Variants in FAM120B observed in about 807,000 individuals in gnomAD.
FAM120B encodes constitutive coactivator of peroxisome proliferator-activated receptor gamma.
In FAM120B, 83 loss-of-function variants were observed where a neutral mutation model predicts 96.3. That is an observed-to-expected ratio of 0.86 (90% CI 0.72 to 1.03). The LOEUF (loss-of-function observed/expected upper bound fraction) is 1.03, where lower values mean the gene tolerates loss of function less well. Ranked by LOEUF, FAM120B falls within the 50% of genes least tolerant of loss-of-function variation. FAM120B has a pLI of 0.00. For synonymous variants in FAM120B, 407 were observed against 402.7 expected (o/e 1.01, Z -0.13); for missense variants, 1,027 against 1,121.2 (o/e 0.92, Z 1.20).
chr6:170,398,023 G>A (rs1207667769), intron 9 of FAM120B, among the ~76,000 whole-genome samples: 2 of 152,252 alleles, frequency 1.3e-5, no homozygotes, highest in African/African-American at 4.8e-5. Context: ...CCTCAGGAAG[G>A]TGGAGAGGGG....
intron 7 of FAM120B, 85 bp from the exon 8 acceptor site, chr6:170,390,927 TC>T: frequency 9.7e-7 from 1 of 1,033,382 alleles, no homozygotes; most frequent in Non-Finnish European, 1.5e-6. Context: ...TGGAAGGGTG[TC>T]CCCTAAGCTT....
intron 1 of FAM120B, among the ~76,000 whole-genome samples, chr6:170,313,023 A>G (rs1008196296): frequency 1.3e-5 from 2 of 152,186 alleles, no homozygotes; most frequent in Admixed American, 6.5e-5. Context: ...GGCCCTAGCA[A>G]AAGTGTGGTC....
chr6:170,328,426 G>T (rs1437215552), intron 3 of FAM120B, among the ~76,000 whole-genome samples: 1 of 151,822 alleles, frequency 6.6e-6, no homozygotes, highest in Non-Finnish European at 1.5e-5. Flanking sequence ...ATCTTTCTTT[G>T]GGGGGGTATA....
chr6:170,338,242 A>T (rs749749261), intron 4 of FAM120B, among the ~76,000 whole-genome samples: 20 of 152,060 alleles, frequency 1.3e-4, no homozygotes, highest in Non-Finnish European at 2.5e-4. Context: ...CTTTGTTCTC[A>T]TTGGTTTCAA....
chr6:170,379,330 A>G (rs530230386), intron 6 of FAM120B, among the ~76,000 whole-genome samples: 3 of 152,340 alleles, frequency 2.0e-5, no homozygotes, highest in Non-Finnish European at 4.4e-5. Flanking sequence ...AGAAGTCCTC[A>G]TATATTGTTT....
At chr6:170,296,848 CG>C (rs1030086378) in intron 1 of FAM120B, among the ~76,000 whole-genome samples, 1 of 152,134 alleles carries the variant, frequency 6.6e-6, no homozygotes, top group Non-Finnish European at 1.5e-5. Context: ...CGGCTGCATC[CG>C]GGGGGTCGAG....
chr6:170,319,287 C>T (rs1445371223), intron 2 of FAM120B, among the ~76,000 whole-genome samples, 163 bp downstream of exon 2: 1 of 152,210 alleles, frequency 6.6e-6, no homozygotes, highest in Non-Finnish European at 1.5e-5. Context: ...TGTGGAAACT[C>T]ACAACCAATG....
At chr6:170,327,596 C>T (rs1035783775) in intron 3 of FAM120B, among the ~76,000 whole-genome samples, 18 of 151,360 alleles carry the variant, frequency 1.2e-4, no homozygotes, top group Admixed American at 4.6e-4. Context: ...AGGATATGAC[C>T]ATGCTGCTGT....
intron 1 of FAM120B, among the ~76,000 whole-genome samples, chr6:170,309,095 A>G (rs928594258): frequency 7.2e-5 from 11 of 152,206 alleles, no homozygotes; most frequent in African/African-American, 2.7e-4. Flanking sequence ...CTCCATGGAA[A>G]CTAGGGTTAT....
chr6:170,337,455 G>A (rs752580154), intron 4 of FAM120B, among the ~76,000 whole-genome samples: 17 of 152,072 alleles, frequency 1.1e-4, no homozygotes, highest in South Asian at 8.3e-4. Flanking sequence ...GAGGATTTTC[G>A]CATCGATGTT....
intron 5 of FAM120B, among the ~76,000 whole-genome samples, chr6:170,352,358 T>C (rs1230768040): frequency 6.6e-6 from 1 of 152,004 alleles, no homozygotes; most frequent in African/African-American, 2.4e-5. Context: ...AACTGACAAA[T>C]ATTAGATCAT....
At chr6:170,389,891 A>G (rs1583306234) in intron 7 of FAM120B, among the ~76,000 whole-genome samples, 1 of 151,990 alleles carries the variant, frequency 6.6e-6, no homozygotes, top group South Asian at 2.1e-4. Flanking sequence ...AGGAACTAAT[A>G]CTCCCTGCAA....
chr6:170,372,536 T>A (rs1789261265), intron 6 of FAM120B, among the ~76,000 whole-genome samples: 1 of 152,200 alleles, frequency 6.6e-6, no homozygotes, highest in Admixed American at 6.5e-5. Flanking sequence ...GAACTGACAG[T>A]TGTAACTCAG....
Position 170,379,801 on chromosome 6 carries a change from TTTTG to T in FAM120B, c.2284-8474_2284-8471del, listed in dbSNP as rs973611379. On this transcript the variant is annotated intron_variant, in intron 6 of 10. Coordinates refer to ENST00000476287, the MANE Select transcript of FAM120B (RefSeq NM_032448.3). ...ATAAAGATTGATAATACAAAAGAGA[TTTTG>T]TTTGTTTGTTTTTCCAAATTAACCT... 1.9e-4 allele frequency among the ~76,000 whole-genome samples: 29 copies of T among 152,278 alleles called. No individual in the cohort carries two copies. The East Asian group carries it at 2.5e-3, about 13-fold the overall frequency.
At chr6:170,311,246 G>A (rs1262957471) in intron 1 of FAM120B, among the ~76,000 whole-genome samples, 1 of 152,126 alleles carries the variant, frequency 6.6e-6, no homozygotes, top group Non-Finnish European at 1.5e-5. Context: ...TTTCCCTTTG[G>A]GTGAAGCGTA....
At chr6:170,390,710 A>G (rs1407755964) in intron 7 of FAM120B, among the ~76,000 whole-genome samples, 3 of 152,190 alleles carry the variant, frequency 2.0e-5, no homozygotes, top group Non-Finnish European at 4.4e-5. Context: ...TAATCACCTA[A>G]ATTGTCGTAA....
intron 4 of FAM120B, among the ~76,000 whole-genome samples, chr6:170,343,569 ACTC>A (rs1283906293): frequency 1.3e-5 from 2 of 151,840 alleles, no homozygotes; most frequent in Non-Finnish European, 2.9e-5. Context: ...TATCATTAGA[ACTC>A]CTCAAGAGCC....
At chr6:170,381,903 ATAATAG>A (rs1304679145) in intron 6 of FAM120B, among the ~76,000 whole-genome samples, 6 of 152,218 alleles carry the variant, frequency 3.9e-5, no homozygotes, top group Non-Finnish European at 7.3e-5. Flanking sequence ...AATGTAACAC[ATAATAG>A]TAAAAGACTA....
chr6:170,333,398 T>C (rs1174888155), intron 4 of FAM120B, among the ~76,000 whole-genome samples: 1 of 152,212 alleles, frequency 6.6e-6, no homozygotes, highest in Non-Finnish European at 1.5e-5. Flanking sequence ...CCAGAAATTT[T>C]CTGCTGTTAA....
Sources: allele counts gnomAD v4.1 joint callset (sites outside exome capture counted in the v4.1 genomes callset), GRCh38; gene constraint gnomAD v4.1.1; transcripts MANE v1.5; gene names NCBI Gene and HGNC (gene_info 2026-07-23, HGNC 2026-07-21).